The following MKLN1 variants were observed in gnomAD, a reference collection of about 807,000 sequenced individuals.
MKLN1 encodes the protein muskelin.
In MKLN1, 18 loss-of-function variants were observed where a neutral mutation model predicts 99.0. The ratio of observed to expected loss-of-function variants is 0.18; its 90% CI spans 0.13 to 0.27. MKLN1 has a LOEUF of 0.27. Ranked by LOEUF, MKLN1 falls within the 10% of genes least tolerant of loss-of-function variation. The probability of loss-of-function intolerance (pLI) is 1.00; values close to 1 mark genes in which losing one functional copy is unlikely to be tolerated. For synonymous variants in MKLN1, 288 were observed against 293.2 expected (o/e 0.98, Z 0.18); for missense variants, 621 against 875.9 (o/e 0.71, Z 3.67).
upstream of MKLN1, chr7:131,327,462 A>C: frequency 6.1e-6 from 1 of 164,650 alleles, no homozygotes; most frequent in Admixed American, 6.0e-5. Context: ...AGCTCCCTTC[A>C]GTGTTGTTTC....
chr7:131,206,574 G>GAGAT (rs775502942), intron 3 of MKLN1, among the ~76,000 whole-genome samples: 10 of 92,904 alleles, frequency 1.1e-4, no homozygotes, highest in Non-Finnish European at 2.2e-4. Flanking sequence ...TATTATTTTA[G>GAGAT]AGATAGGCTC....
chr7:131,308,263 T>G (rs1338637963), intron 3 of MKLN1, among the ~76,000 whole-genome samples: 1 of 108,620 alleles, frequency 9.2e-6, no homozygotes, highest in Non-Finnish European at 1.9e-5. Flanking sequence ...CTCACGTAGT[T>G]TTTTTTTTTT....
intron 1 of MKLN1, among the ~76,000 whole-genome samples, chr7:131,135,091 T>G: frequency 6.6e-6 from 1 of 152,202 alleles, no homozygotes; most frequent in East Asian, 1.9e-4. Flanking sequence ...CCTCCTTCAG[T>G]GGTTCTAGGA....
chr7:131,439,587 A>G (rs954154128), intron 10 of MKLN1, among the ~76,000 whole-genome samples: 3 of 152,198 alleles, frequency 2.0e-5, no homozygotes, highest in African/African-American at 7.2e-5. Flanking sequence ...GTTAGAACTT[A>G]CACTTGTAGT....
Position 131,411,330 on chromosome 7 carries a change from G to T in MKLN1, c.728G>T (p.Ser243Ile). Residue 243 changes from serine to isoleucine, a missense_variant, in exon 7 of 18, where the codon AGT (serine) becomes ATT (isoleucine). Physicochemically the swap from Ser to Ile is moderately radical, Grantham distance 142 (BLOSUM62 -2). Around this residue, in one of 8 missense-constraint regions of MKLN1, gnomAD observed 361 missense variants for 540.8 expected, o/e 0.67. Transcript: ENST00000352689. ...GATGGCTTGTTCAATCAGTATATCA[G>T]TCAACAGGAATATAAGCCACGATGG... ...VNDGLFNQYI[S>I]QQEYKPRWSQ... The T allele has an allele frequency of 6.2e-7, 1 of 1,610,912 alleles. No homozygotes were observed. Among genetic ancestry groups the T allele is most frequent in the Non-Finnish European group, 8.5e-7 (1 of 1,177,280 alleles).
At chr7:131,275,392 G>T (rs1424680305) in intron 3 of MKLN1, among the ~76,000 whole-genome samples, 1 of 118,706 alleles carries the variant, frequency 8.4e-6, no homozygotes, top group Non-Finnish European at 1.7e-5. Flanking sequence ...TTTTTGAGAC[G>T]GAGTCTTACT....
chr7:131,410,845 C>G (rs956322775), intron 6 of MKLN1, among the ~76,000 whole-genome samples: 8 of 151,986 alleles, frequency 5.3e-5, no homozygotes, highest in Non-Finnish European at 1.2e-4. Flanking sequence ...GATCTTTTTT[C>G]AATGAAGTAG....
chr7:131,130,250 A>G (rs1795529350), intron 1 of MKLN1, among the ~76,000 whole-genome samples: 1 of 152,216 alleles, frequency 6.6e-6, no homozygotes, highest in African/African-American at 2.4e-5. Context: ...GATAGAACAA[A>G]TACCATATGC....
chr7:131,233,602 G>A (rs1489267776), intron 3 of MKLN1, among the ~76,000 whole-genome samples: 1 of 151,584 alleles, frequency 6.6e-6, no homozygotes, highest in Non-Finnish European at 1.5e-5. Flanking sequence ...TATTTTACAA[G>A]ACTAAATTCA....
At chr7:131,325,910 G>A (rs1798878030), upstream of MKLN1, among the ~76,000 whole-genome samples, 1 of 145,878 alleles carries the variant, frequency 6.9e-6, no homozygotes, top group Admixed American at 7.1e-5. Flanking sequence ...TGGGGGGGGG[G>A]TGGTGGTGAG....
chr7:131,124,858 A>G (rs536370209), intron 1 of MKLN1, among the ~76,000 whole-genome samples: 1 of 152,308 alleles, frequency 6.6e-6, no homozygotes, highest in South Asian at 2.1e-4. Context: ...CATGGGACAT[A>G]TGCGCCTTCC....
At chr7:131,237,929 C>G (rs1255588839) in intron 3 of MKLN1, among the ~76,000 whole-genome samples, 1 of 152,080 alleles carries the variant, frequency 6.6e-6, no homozygotes, top group African/African-American at 2.4e-5. Context: ...GGTGGATCAC[C>G]TGAGGTCAGG....
rs757017139 is a variant in MKLN1 at position 131,463,367 on chromosome 7, A to G, written c.1673+3A>G. Reference sequence around the variant, plus strand: ...TATGACATTGTGAGGAATAGTTGGTAAGGAACTCTTGTCTCTGCTGCAATC... The same window carrying G: ...TATGACATTGTGAGGAATAGTTGGTGAGGAACTCTTGTCTCTGCTGCAATC... On this transcript the variant is annotated splice_donor_region_variant and intron_variant, in intron 13 of 17. Coordinates refer to ENST00000352689, the MANE Select transcript of MKLN1 (RefSeq NM_013255.5). The G allele has an allele frequency of 5.0e-6, 8 of 1,609,720 alleles. No individual in the cohort carries two copies. In the South Asian group the frequency reaches 6.7e-5, roughly 13 times the overall value.
At chr7:131,283,388 CCTTCCTTCCTTCCTCTCT>C (rs1798087115) in intron 3 of MKLN1, among the ~76,000 whole-genome samples, 1 of 108,622 alleles carries the variant, frequency 9.2e-6, no homozygotes, top group South Asian at 3.8e-4. Context: ...TTCCTTCCTT[CCTTCCTTCCTTCCTCTCT>C]CTCTCTTTAC....
intron 2 of MKLN1, among the ~76,000 whole-genome samples, chr7:131,182,534 C>T (rs1301051956): frequency 6.6e-6 from 1 of 152,238 alleles, no homozygotes; most frequent in Non-Finnish European, 1.5e-5. Context: ...AACCTTATAT[C>T]TTCCAGAAGC....
chr7:131,397,221 A>G (rs997179573), intron 4 of MKLN1, 46 bp from the exon 5 acceptor site: 11 of 1,237,150 alleles, frequency 8.9e-6, no homozygotes, highest in Non-Finnish European at 1.3e-5. Flanking sequence ...TTTTATTTGA[A>G]CTGTGTTAAT....
chr7:131,271,426 C>T (rs575530894), intron 3 of MKLN1, among the ~76,000 whole-genome samples: 6 of 149,532 alleles, frequency 4.0e-5, no homozygotes, highest in African/African-American at 1.5e-4. Context: ...AGACCATCCT[C>T]GCTAACACGG....
At chr7:131,217,133 T>A (rs1037410413) in intron 3 of MKLN1, among the ~76,000 whole-genome samples, 3 of 152,218 alleles carry the variant, frequency 2.0e-5, no homozygotes, top group Non-Finnish European at 4.4e-5. Flanking sequence ...AATCCCCTTA[T>A]ATAAACTAGC....
chr7:131,189,915 C>T (rs927227711), intron 2 of MKLN1, among the ~76,000 whole-genome samples: 4 of 152,182 alleles, frequency 2.6e-5, no homozygotes, highest in East Asian at 1.9e-4. Context: ...GGCAATAGGG[C>T]TGTCTTAGGA....
Sources: gnomAD v4.1 joint callset for allele counts (sites outside exome capture counted in the v4.1 genomes callset) on GRCh38, gnomAD v4.1.1 for gene constraint, gnomAD v4.1.1 regional missense constraint, MANE v1.5 for transcripts, NCBI Gene and HGNC (gene_info 2026-07-23, HGNC 2026-07-21) for gene names.